KIAA0825: variants seen among roughly 807,000 people sequenced by gnomAD.
The protein encoded by KIAA0825 is KIAA0825, also known as uncharacterized protein KIAA0825.
In KIAA0825, 119 loss-of-function variants were observed where a neutral mutation model predicts 147.6. The ratio of observed to expected loss-of-function variants is 0.81; its 90% CI spans 0.69 to 0.94. KIAA0825 has a LOEUF of 0.94. Ranked by LOEUF, KIAA0825 falls within the 40% of genes least tolerant of loss-of-function variation. The pLI is 0.00. For synonymous variants in KIAA0825, 470 were observed against 518.1 expected, an observed-to-expected ratio of 0.91 and a Z score of 1.26; for missense variants, 1,381 against 1,472.7, an observed-to-expected ratio of 0.94 and a Z score of 1.02.
intron 1 of KIAA0825, chr5:94,594,045 C>A: frequency 1.9e-6 from 1 of 521,998 alleles, no homozygotes; most frequent in East Asian, 5.4e-5. Flanking sequence ...TTGGAACTTG[C>A]GTGCAACATC....
intron 13 of KIAA0825, among the ~76,000 whole-genome samples, chr5:94,448,134 A>C (rs1488961505): frequency 6.6e-6 from 1 of 151,334 alleles, no homozygotes; most frequent in Non-Finnish European, 1.5e-5. Context: ...CCTTGAGATT[A>C]ATACATTTTT....
chr5:94,294,750 C>G (rs996557422), intron 20 of KIAA0825, among the ~76,000 whole-genome samples: 3 of 152,128 alleles, frequency 2.0e-5, no homozygotes, highest in South Asian at 4.1e-4. Flanking sequence ...ATATTGGCCC[C>G]CACTCTCTTC....
chr5:94,523,964 G>A lies in KIAA0825; in HGVS notation c.266C>T (p.Ser89Phe). The change falls in exon 4 of 21, where the codon TCT becomes TTT. Residue 89 changes from serine (S) to phenylalanine (F), a missense_variant. Transcript: ENST00000682413. ...NYSTSESSFI[S>F]HGDLIKFFKT... ...GAAAAATTTTATCAAGTCTCCATGA[G>A]AAATGAAAGATGATTCAGATGTACT... 1.2e-6 allele frequency: 2 copies of A among 1,601,986 alleles called. No homozygotes were observed. The highest frequency in any genetic ancestry group is 1.7e-5 in the Admixed American group (1 of 58,072).
At chr5:94,159,422 GTTACTCTTATTTTGTAAGA>G (rs1376841276) in intron 20 of KIAA0825, among the ~76,000 whole-genome samples, 1 of 152,096 alleles carries the variant, frequency 6.6e-6, no homozygotes, top group Non-Finnish European at 1.5e-5. Context: ...TTCATAGAAC[GTTACTCTTATTTTGTAAGA>G]TTCTACTTGT....
intron 5 of KIAA0825, among the ~76,000 whole-genome samples, chr5:94,503,273 T>C (rs978120942): frequency 2.0e-5 from 3 of 152,036 alleles, no homozygotes; most frequent in Non-Finnish European, 2.9e-5. Context: ...GAATTCCCTA[T>C]AACACTTCCT....
chr5:94,331,262 A>G (rs1289241829), intron 20 of KIAA0825, among the ~76,000 whole-genome samples: 1 of 152,166 alleles, frequency 6.6e-6, no homozygotes, highest in Non-Finnish European at 1.5e-5. Context: ...TATAGACTCT[A>G]GAAGCATTAA....
At chr5:94,306,783 C>T (rs2150189454) in intron 20 of KIAA0825, among the ~76,000 whole-genome samples, 1 of 151,822 alleles carries the variant, frequency 6.6e-6, no homozygotes, top group Admixed American at 6.6e-5. Context: ...TGTTGCAGCC[C>T]TCATTTCTTT....
chr5:94,208,941 T>C (rs985991257), intron 20 of KIAA0825, among the ~76,000 whole-genome samples: 1 of 152,188 alleles, frequency 6.6e-6, no homozygotes, highest in Non-Finnish European at 1.5e-5. Context: ...AAAATTCTAG[T>C]TCTCAGGCCC....
chr5:94,435,485 G>A (rs1756237617), intron 14 of KIAA0825, among the ~76,000 whole-genome samples: 1 of 152,022 alleles, frequency 6.6e-6, no homozygotes, highest in African/African-American at 2.4e-5. Flanking sequence ...GCATTTCATG[G>A]TGTATATGTA....
chr5:94,481,301 T>C (rs770280096), intron 6 of KIAA0825, among the ~76,000 whole-genome samples: 1 of 152,122 alleles, frequency 6.6e-6, no homozygotes, highest in Non-Finnish European at 1.5e-5. Context: ...ACACTGCCGC[T>C]TTCTTTCATA....
intron 5 of KIAA0825, among the ~76,000 whole-genome samples, chr5:94,509,942 C>A (rs760472148): frequency 6.6e-6 from 1 of 152,090 alleles, no homozygotes; most frequent in Non-Finnish European, 1.5e-5. Context: ...TGTTTTACTG[C>A]ACTACAAAAA....
chr5:94,402,249 GC>G, intron 16 of KIAA0825, among the ~76,000 whole-genome samples: 1 of 152,224 alleles, frequency 6.6e-6, no homozygotes, highest in East Asian at 1.9e-4. Context: ...ATTCCAAAGT[GC>G]TTAGAAAAAG....
intron 20 of KIAA0825, among the ~76,000 whole-genome samples, chr5:94,206,109 T>G (rs1410776781): frequency 6.6e-6 from 1 of 152,224 alleles, no homozygotes; most frequent in Non-Finnish European, 1.5e-5. Flanking sequence ...ATTTGGTTTT[T>G]GAGGCTTATT....
intron 20 of KIAA0825, among the ~76,000 whole-genome samples, chr5:94,347,944 CA>C (rs1193106941): frequency 6.6e-6 from 1 of 151,966 alleles, no homozygotes; most frequent in Non-Finnish European, 1.5e-5. Flanking sequence ...AGCTTAAAGA[CA>C]AAACAATCAA....
chr5:94,395,603 G>A (rs958257847), intron 17 of KIAA0825, among the ~76,000 whole-genome samples: 2 of 152,146 alleles, frequency 1.3e-5, no homozygotes, highest in Admixed American at 6.6e-5. Flanking sequence ...TTTATAGCTG[G>A]AGTGTGATAT....
At chr5:94,572,769 G>T (rs892988915) in intron 2 of KIAA0825, among the ~76,000 whole-genome samples, 4 of 152,232 alleles carry the variant, frequency 2.6e-5, no homozygotes, top group African/African-American at 9.6e-5. Context: ...GTGGGTGATA[G>T]AATTAAAAAG....
intron 2 of KIAA0825, among the ~76,000 whole-genome samples, chr5:94,543,300 T>C (rs1374950065): frequency 6.6e-6 from 1 of 151,896 alleles, no homozygotes; most frequent in African/African-American, 2.4e-5. Context: ...AAAAATTAGC[T>C]GAGTGTGGGG....
chr5:94,569,552 C>T (rs184094323), intron 2 of KIAA0825: 113 of 408,322 alleles, frequency 2.8e-4, no homozygotes, highest in East Asian at 2.5e-3. Flanking sequence ...GACCCCAACA[C>T]GCAAAACCAA....
At chr5:94,605,124 A>G (rs984156622) in intron 1 of KIAA0825, among the ~76,000 whole-genome samples, 1 of 152,202 alleles carries the variant, frequency 6.6e-6, no homozygotes, top group African/African-American at 2.4e-5. Flanking sequence ...CCATCAGAGA[A>G]TATTATAAAC....
Sources: allele counts gnomAD v4.1 joint callset (sites outside exome capture counted in the v4.1 genomes callset), GRCh38; gene constraint gnomAD v4.1.1; transcripts MANE v1.5; gene names NCBI Gene and HGNC (gene_info 2026-07-23, HGNC 2026-07-21).